TJP2: variants seen among roughly 807,000 people sequenced by gnomAD.
The protein encoded by TJP2 is Friedreich ataxia region gene X104 (tight junction protein ZO-2).
Under a neutral mutation model 133.1 loss-of-function variants are expected in TJP2, and 91 were observed. The observed-to-expected ratio is 0.68, with a 90% confidence interval of 0.58 to 0.81. The LOEUF is 0.81. Ranked by LOEUF, TJP2 falls within the 40% of genes least tolerant of loss-of-function variation. The probability of loss-of-function intolerance (pLI) is 0.00; values close to 1 mark genes in which losing one functional copy is unlikely to be tolerated. For synonymous variants in TJP2, 592 were observed against 583.4 expected, an observed-to-expected ratio of 1.01 and a Z score of -0.21; for missense variants, 1,541 against 1,565.6, an observed-to-expected ratio of 0.98 and a Z score of 0.26.
At chr9:69,152,245 T>C (rs1587916117) in intron 2 of TJP2, among the ~76,000 whole-genome samples, 1 of 152,220 alleles carries the variant, frequency 6.6e-6, no homozygotes, top group Non-Finnish European at 1.5e-5. Context: ...AAGCTTTTAG[T>C]GAAAGAGCTA....
intron 1 of TJP2, among the ~76,000 whole-genome samples, chr9:69,206,573 A>G (rs935454875): frequency 6.6e-6 from 1 of 150,736 alleles, no homozygotes; most frequent in African/African-American, 2.4e-5. Context: ...TTATTTATTT[A>G]TTTAATTTTT....
rs567343266 is a variant in TJP2 at position 69,236,209 on chromosome 9, G to C, written c.1962G>C (p.Leu654Phe). The C allele has an allele frequency of 4.3e-6, 7 of 1,613,938 alleles. No homozygotes were observed. The East Asian group carries it at 1.3e-4, about 31-fold the overall frequency. The change falls in exon 13 of 23, where the codon TTG (leucine) becomes TTC (phenylalanine). Residue 654 changes from leucine (L) to phenylalanine (F), a missense_variant. Transcript: ENST00000377245. ...TGGCTGTGAGGATTGGGAACGAGTT[G>C]GAGAAAGGCTTAATCCCCAACAAGA... is the stretch of plus-strand genomic sequence containing the variant. ...NWLAVRIGNE[L>F]EKGLIPNKSR...
chr9:69,229,388 T>TTAC, intron 10 of TJP2, 138 bp downstream of exon 10: 4 of 828,920 alleles, frequency 4.8e-6, no homozygotes, highest in Non-Finnish European at 8.5e-6. Context: ...TCCCCATTGG[T>TTAC]AGTGCTTATG....
intron 2 of TJP2, among the ~76,000 whole-genome samples, chr9:69,156,960 CT>C (rs1823801965): frequency 6.6e-6 from 1 of 152,168 alleles, no homozygotes; most frequent in African/African-American, 2.4e-5. Flanking sequence ...ATTCTAAAGC[CT>C]CCAAGTAACA....
At chr9:69,188,997 G>A (rs1826036088) in intron 1 of TJP2, among the ~76,000 whole-genome samples, 1 of 152,132 alleles carries the variant, frequency 6.6e-6, no homozygotes, top group African/African-American at 2.4e-5. Flanking sequence ...GTTACCTTGG[G>A]GTCAAAGTAC....
At chr9:69,249,862 A>G (rs1355199413) in intron 20 of TJP2, 2 of 468,496 alleles carry the variant, frequency 4.3e-6, no homozygotes, top group Non-Finnish European at 5.6e-6. Context: ...AGTCTGATTT[A>G]GATGCACCAG....
At chr9:69,230,038 A>G in intron 10 of TJP2, 44 bp from the exon 11 acceptor site, 1 of 1,612,392 alleles carries the variant, frequency 6.2e-7, no homozygotes, top group South Asian at 1.1e-5. Context: ...TCCCTTTTAA[A>G]AAATATCTCC....
chr9:69,230,873 A>G (rs1313901577), intron 11 of TJP2, among the ~76,000 whole-genome samples: 1 of 152,182 alleles, frequency 6.6e-6, no homozygotes, highest in Non-Finnish European at 1.5e-5. Flanking sequence ...AATAGCTGCT[A>G]CTCAATGTTA....
chr9:69,161,793 A>T (rs2132856894), intron 2 of TJP2, among the ~76,000 whole-genome samples: 1 of 150,238 alleles, frequency 6.7e-6, no homozygotes, highest in South Asian at 2.1e-4. Context: ...CACGCCTGTA[A>T]TCCTAGCACT....
chr9:69,138,153 A>G (rs1385133556), intron 1 of TJP2, among the ~76,000 whole-genome samples: 2 of 152,106 alleles, frequency 1.3e-5, no homozygotes, highest in Non-Finnish European at 2.9e-5. Context: ...TCTTGAACCA[A>G]CGTTCCGCCC....
rs575796074 is a variant in TJP2, at chr9:69,200,922, G to A, written c.61-11626G>A. On this transcript the variant is annotated intron_variant, in intron 1 of 22. Transcript: ENST00000377245. The stretch of plus-strand genomic sequence containing the variant: ...ACTACCTGAGATGATGATATATATT[G>A]ACTCTTGTCTGCTTTCTCTGCTAAA... Among the ~76,000 whole-genome samples, 4 of 152,158 alleles carry A rather than the reference G, an allele frequency of 2.6e-5. No individual in the cohort carries two copies. The South Asian group carries it at 8.3e-4, about 32-fold the overall frequency.
At position 69,248,156 on chromosome 9, in the gene TJP2, G is replaced by A; in HGVS notation, c.2812G>A (p.Asp938Asn). Residue 938 changes from aspartate to asparagine, a missense_variant, in exon 19 of 23, where the codon GAT (aspartate) becomes AAT (asparagine). Physicochemically the swap from Asp to Asn is conservative, Grantham distance 23. Coordinates refer to ENST00000377245, the MANE Select transcript of TJP2 (RefSeq NM_004817.4). ...AGGCGCCTACACTGACAATGAGCTG[G>A]ATGAGCCAGCCGAGGAGCCGCTGGT... is the stretch of plus-strand genomic sequence containing the variant. Reference protein sequence around the residue: ...EGGAYTDNELDEPAEEPLVSS... With the variant: ...EGGAYTDNELNEPAEEPLVSS... 1 of 1,613,764 alleles carries A rather than the reference G, an allele frequency of 6.2e-7. No homozygotes were observed. The highest frequency in any genetic ancestry group is 1.1e-5 in the South Asian group (1 of 91,072).
At chr9:69,222,387 A>G (rs1477379925) in intron 5 of TJP2, among the ~76,000 whole-genome samples, 1 of 151,586 alleles carries the variant, frequency 6.6e-6, no homozygotes, top group Non-Finnish European at 1.5e-5. Context: ...GCTGGTCTCA[A>G]ACTCCTGACC....
intron 22 of TJP2, 80 bp downstream of exon 22, chr9:69,252,980 C>T (rs1335887761): frequency 7.4e-7 from 1 of 1,360,374 alleles, no homozygotes; most frequent in South Asian, 1.2e-5. Flanking sequence ...TTCCTTTACC[C>T]AAATTTCAGA....
At chr9:69,153,104 G>T (rs1823567981) in intron 2 of TJP2, among the ~76,000 whole-genome samples, 1 of 151,742 alleles carries the variant, frequency 6.6e-6, no homozygotes. Flanking sequence ...ATGGTGGTGT[G>T]CTCCTGTAGT....
At chr9:69,195,472 T>C (rs1455060952) in intron 1 of TJP2, among the ~76,000 whole-genome samples, 1 of 152,126 alleles carries the variant, frequency 6.6e-6, no homozygotes, top group African/African-American at 2.4e-5. Context: ...CAAATTTGCA[T>C]TCAAATTGTG....
At chr9:69,174,239 C>G, upstream of TJP2, 1 of 1,503,052 alleles carries the variant, frequency 6.7e-7, no homozygotes, top group Non-Finnish European at 8.9e-7. Flanking sequence ...AGGGGTGGGT[C>G]CCCGCGGGTC....
Position 69,246,758 on chromosome 9 carries a change from C to T in TJP2, c.2635C>T (p.Gln879Ter), listed in dbSNP as rs1830956547. 1 of 1,614,082 alleles carries T rather than the reference C, an allele frequency of 6.2e-7. No homozygotes were observed. The highest frequency in any genetic ancestry group is 1.3e-5 in the African/African-American group (1 of 75,008). ...CTTAAAGGACACTATTCAGCATCAG[C>T]AAGGAGAAGCGGTTTGGGTCTCTGA... ...GSLKDTIQHQ[Q>*]GEAVWVSEGK... The change falls in exon 18 of 23, where the codon CAA becomes TAA. Residue 879 changes from glutamine (Q) to a stop codon, truncating the protein, a stop_gained. Coordinates refer to ENST00000377245, the MANE Select transcript of TJP2 (RefSeq NM_004817.4). LOFTEE classifies it high-confidence loss of function.
upstream of TJP2, among the ~76,000 whole-genome samples, chr9:69,173,750 T>C (rs1824824727): frequency 6.6e-6 from 1 of 152,172 alleles, no homozygotes; most frequent in African/African-American, 2.4e-5. Flanking sequence ...TGAAGCTGCC[T>C]GTGTGAGGCC....
Sources: allele counts gnomAD v4.1 joint callset (sites outside exome capture counted in the v4.1 genomes callset), GRCh38; gene constraint gnomAD v4.1.1; transcripts MANE v1.5; gene names NCBI Gene and HGNC (gene_info 2026-07-23, HGNC 2026-07-21).